The following TMTC2 variants were observed in gnomAD, a reference collection of about 807,000 sequenced individuals.
The protein encoded by TMTC2 is protein O-mannosyl-transferase TMTC2.
TMTC2 carries 43 observed loss-of-function variants against 82.4 expected under a neutral mutation model. That is an observed-to-expected ratio of 0.52 (90% CI 0.41 to 0.67). The LOEUF is 0.67. TMTC2 is among the 30% of genes least tolerant of loss of function. The pLI, the probability that TMTC2 is intolerant of heterozygous loss-of-function variation, is 0.00. For missense variants in TMTC2, 919 were observed against 1,012.4 expected (o/e 0.91, Z 1.25); for synonymous variants, 408 against 381.9 (o/e 1.07, Z -0.80).
At chr12:83,115,452 C>A (rs1208379992) in intron 11 of TMTC2, among the ~76,000 whole-genome samples, 2 of 152,114 alleles carry the variant, frequency 1.3e-5, no homozygotes, top group East Asian at 3.8e-4. Context: ...TTAAATTCTA[C>A]TTATTTTTAT....
chr12:82,942,423 ATGT>A (rs1359894986), intron 4 of TMTC2, among the ~76,000 whole-genome samples: 1 of 152,218 alleles, frequency 6.6e-6, no homozygotes, highest in Non-Finnish European at 1.5e-5. Flanking sequence ...TCATAGAAAC[ATGT>A]TGTTTAAATT....
chr12:82,905,452 C>G (rs868221243), intron 3 of TMTC2, among the ~76,000 whole-genome samples: 1 of 152,066 alleles, frequency 6.6e-6, no homozygotes, highest in Non-Finnish European at 1.5e-5. Context: ...TAGTTAAGAA[C>G]AATTAAGAGT....
intron 3 of TMTC2, among the ~76,000 whole-genome samples, chr12:82,910,109 C>T (rs773040171): frequency 1.3e-5 from 2 of 152,114 alleles, no homozygotes; most frequent in Non-Finnish European, 2.9e-5. Flanking sequence ...CGCACTGGTG[C>T]CTATTTCTGG....
At chr12:83,127,703 G>C (rs1204573108) in intron 11 of TMTC2, among the ~76,000 whole-genome samples, 1 of 152,008 alleles carries the variant, frequency 6.6e-6, no homozygotes, top group South Asian at 2.1e-4. Context: ...TTCCAATCCT[G>C]TGTGTTCACA....
At chr12:82,755,599 G>A (rs1405872858) in intron 1 of TMTC2, among the ~76,000 whole-genome samples, 2 of 152,140 alleles carry the variant, frequency 1.3e-5, no homozygotes, top group African/African-American at 4.8e-5. Flanking sequence ...CTACCATCAC[G>A]TTTGAGAGGA....
At chr12:82,920,675 A>G (rs1875338372) in intron 3 of TMTC2, among the ~76,000 whole-genome samples, 1 of 152,152 alleles carries the variant, frequency 6.6e-6, no homozygotes, top group Admixed American at 6.5e-5. Flanking sequence ...TTTTGAATAT[A>G]AAATAACTCC....
intron 1 of TMTC2, among the ~76,000 whole-genome samples, chr12:82,846,188 A>G (rs934290495): frequency 6.6e-6 from 1 of 151,788 alleles, no homozygotes. Flanking sequence ...GTGAAACCCC[A>G]TCTCTACTAA....
At chr12:83,112,615 A>T (rs1036789419) in intron 11 of TMTC2, among the ~76,000 whole-genome samples, 5 of 152,230 alleles carry the variant, frequency 3.3e-5, no homozygotes, top group Non-Finnish European at 7.3e-5. Flanking sequence ...ATTAGATAGT[A>T]AAGTATTCAT....
intron 1 of TMTC2, among the ~76,000 whole-genome samples, chr12:82,726,683 A>AT (rs1565723437): frequency 6.6e-6 from 1 of 152,078 alleles, no homozygotes; most frequent in East Asian, 1.9e-4. Flanking sequence ...GATAGAGACC[A>AT]TCCTGGCTAA....
intron 11 of TMTC2, among the ~76,000 whole-genome samples, chr12:83,095,193 G>A (rs139842096): frequency 6.6e-6 from 1 of 151,494 alleles, no homozygotes; most frequent in Admixed American, 6.6e-5. Context: ...GGATATGAGG[G>A]AAAGAGAAAA....
chr12:82,980,356 A>T (rs550895789), intron 7 of TMTC2, among the ~76,000 whole-genome samples: 34 of 151,962 alleles, frequency 2.2e-4, no homozygotes, highest in Admixed American at 5.9e-4. Context: ...CACCAAAAAT[A>T]AACCTGATAT....
intron 1 of TMTC2, among the ~76,000 whole-genome samples, chr12:82,719,140 C>T: frequency 8.3e-6 from 1 of 120,718 alleles, no homozygotes; most frequent in African/African-American, 3.2e-5. Context: ...GTCACCCAGG[C>T]TAGAGTGCAG....
intron 11 of TMTC2, among the ~76,000 whole-genome samples, chr12:83,094,007 G>C (rs1374093074): frequency 6.6e-6 from 1 of 152,208 alleles, no homozygotes; most frequent in African/African-American, 2.4e-5. Flanking sequence ...ATGTAGACTT[G>C]GCTGTTCAGT....
intron 8 of TMTC2, among the ~76,000 whole-genome samples, chr12:82,999,019 CAATT>C (rs1436399576): frequency 6.6e-6 from 1 of 152,150 alleles, no homozygotes; most frequent in Admixed American, 6.6e-5. Flanking sequence ...ACAGTTGTCA[CAATT>C]AATGTGCCAA....
At chr12:82,846,386 G>A (rs1565776203) in intron 1 of TMTC2, among the ~76,000 whole-genome samples, 1 of 151,900 alleles carries the variant, frequency 6.6e-6, no homozygotes, top group Non-Finnish European at 1.5e-5. Context: ...AAACAGGAAA[G>A]ATTGTCTAGG....
chr12:82,847,591 T>A (rs779606485), intron 1 of TMTC2, among the ~76,000 whole-genome samples: 1 of 152,148 alleles, frequency 6.6e-6, no homozygotes, highest in East Asian at 1.9e-4. Context: ...GTGGCACATA[T>A]ACACCATGGA....
At chr12:82,852,262 C>T (rs569060512) in intron 1 of TMTC2, among the ~76,000 whole-genome samples, 11 of 152,024 alleles carry the variant, frequency 7.2e-5, no homozygotes, top group South Asian at 2.1e-4. Context: ...CCACCACGCC[C>T]GGCTAATTTT....
At chr12:83,026,993 G>A (rs143698035) in intron 8 of TMTC2, among the ~76,000 whole-genome samples, 24 of 152,052 alleles carry the variant, frequency 1.6e-4, no homozygotes, top group African/African-American at 4.3e-4. Context: ...CTGCCAATCC[G>A]AGTGGACCTG....
intron 8 of TMTC2, among the ~76,000 whole-genome samples, chr12:82,999,977 T>C (rs1238805910): frequency 1.3e-5 from 2 of 152,206 alleles, no homozygotes; most frequent in Non-Finnish European, 2.9e-5. Flanking sequence ...ACAAGGCACG[T>C]CCCTTCCACC....
Sources: gnomAD v4.1 joint callset for allele counts (sites outside exome capture counted in the v4.1 genomes callset) on GRCh38, gnomAD v4.1.1 for gene constraint, MANE v1.5 for transcripts, NCBI Gene and HGNC (gene_info 2026-07-23, HGNC 2026-07-21) for gene names.